FSD1: variants seen among roughly 807,000 people sequenced by gnomAD.
FSD1 encodes fibronectin type III and SPRY domain containing 1.
A neutral mutation model predicts 58.2 loss-of-function variants in FSD1; 23 were observed. That is an observed-to-expected ratio of 0.40 (90% CI 0.28 to 0.56). The LOEUF (loss-of-function observed/expected upper bound fraction) is 0.56. Among genes scored for constraint, FSD1 ranks in the 20% least tolerant of loss-of-function variants. The probability of loss-of-function intolerance (pLI) is 0.54; values close to 1 mark genes in which losing one functional copy is unlikely to be tolerated. For missense variants in FSD1, 563 were observed against 670.8 expected, an observed-to-expected ratio of 0.84 and a Z score of 1.78; for synonymous variants, 265 against 263.4, an observed-to-expected ratio of 1.01 and a Z score of -0.06.
chr19:4,308,763 C>T (rs1361712473), intron 4 of FSD1, among the ~76,000 whole-genome samples: 2 of 151,960 alleles, frequency 1.3e-5, no homozygotes, highest in African/African-American at 4.8e-5. Context: ...GAGGCTGAGG[C>T]AGGAGAATGG....
At chr19:4,318,648 T>C in intron 9 of FSD1, 143 bp downstream of exon 9, 6 of 822,902 alleles carry the variant, frequency 7.3e-6, no homozygotes, top group Non-Finnish European at 9.5e-6. Flanking sequence ...GGAGAGGAGG[T>C]TTTGAGTGGA....
At chr19:4,320,944 G>A (rs1188420960) in intron 10 of FSD1, among the ~76,000 whole-genome samples, 3 of 148,042 alleles carry the variant, frequency 2.0e-5, no homozygotes, top group Non-Finnish European at 4.5e-5. Flanking sequence ...AGGAGTATCT[G>A]GAGGGGAATC....
chr19:4,323,316 G>C lies in FSD1; in HGVS notation c.1292-32G>C, dbSNP rs141304180. On this transcript the variant is annotated intron_variant, in intron 11 of 12. Transcript: ENST00000221856. This position sits in a 1 kb window ranked among gnomAD's most constrained non-coding sequence, Gnocchi z 7.7. ...GTCTGCCCCCATCCCACTTCTGACC[G>C]GTCCCACTGTCACTCTGCCCCCCGA... 836 of 1,609,504 alleles carry C rather than the reference G, an allele frequency of 5.2e-4. 2 individuals are homozygous for C. In the African/African-American group the frequency reaches 0.01, roughly 20 times the overall value.
intron 9 of FSD1, 81 bp downstream of exon 9, chr19:4,318,586 GT>G: frequency 2.2e-6 from 3 of 1,335,872 alleles, no homozygotes; most frequent in South Asian, 2.9e-5. Flanking sequence ...TGTGGTCAGA[GT>G]TGGGGTGGAG....
chr19:4,318,811 C>T (rs775561251), intron 9 of FSD1, 61 bp from the exon 10 acceptor site: 58 of 1,357,688 alleles, frequency 4.3e-5, no homozygotes, highest in East Asian at 1.1e-4. Flanking sequence ...GTAGCCTTAC[C>T]GTGGGAGAGA....
chr19:4,322,116 TG>T (rs1409768004), intron 10 of FSD1, among the ~76,000 whole-genome samples: 4 of 137,090 alleles, frequency 2.9e-5, no homozygotes, highest in East Asian at 4.4e-4. Flanking sequence ...GAGGAATATC[TG>T]GGGGGAATAG....
intron 6 of FSD1, chr19:4,311,053 G>T (rs989160502): frequency 5.5e-5 from 9 of 162,288 alleles, no homozygotes; most frequent in Non-Finnish European, 1.2e-4. Context: ...ACCCACCAGG[G>T]GGTGAGGTCC....
intron 1 of FSD1, 22 bp downstream of exon 1, chr19:4,304,783 C>T (rs1158165932): frequency 4.7e-6 from 1 of 212,546 alleles, no homozygotes; most frequent in Non-Finnish European, 7.7e-6. Flanking sequence ...TGGGGCAGGG[C>T]GGGCCCGCAG....
At chr19:4,315,377 C>T (rs1472681303) in intron 7 of FSD1, among the ~76,000 whole-genome samples, 1 of 136,256 alleles carries the variant, frequency 7.3e-6, no homozygotes, top group Admixed American at 8.1e-5. Flanking sequence ...GGTGCTATCT[C>T]GGCTCACTGC....
At position 4,307,774 on chromosome 19, in the gene FSD1, A is replaced by G; in HGVS notation, c.244-108A>G. 3 of 724,086 alleles carry G rather than the reference A, an allele frequency of 4.1e-6. 1 individual carries two copies. The Middle Eastern group carries it at 1.1e-3, about 260-fold the overall frequency. 44.9% of individuals were successfully genotyped at this position (724,086 alleles called of 1,614,324 possible). On this transcript the variant is annotated intron_variant, in intron 3 of 12. Transcript: ENST00000221856. ...GCTCCAATCTCCATCTCTCACCTGG[A>G]GTTCGAGAAGGGCATGGTACCCTGG...
intron 7 of FSD1, among the ~76,000 whole-genome samples, chr19:4,315,607 C>CTTTTT (rs1302777132): frequency 9.6e-5 from 9 of 93,778 alleles, no homozygotes; most frequent in Admixed American, 3.5e-4. Flanking sequence ...CGTGCCTGGC[C>CTTTTT]TTTTTTTTTT....
intron 4 of FSD1, among the ~76,000 whole-genome samples, chr19:4,309,257 GA>G (rs201237226): frequency 7.3e-5 from 11 of 149,816 alleles, no homozygotes; most frequent in African/African-American, 1.7e-4. Flanking sequence ...CAAAAAAAAA[GA>G]AAAAAAAAGT....
intron 4 of FSD1, among the ~76,000 whole-genome samples, chr19:4,308,661 T>C (rs367558759): frequency 1.3e-5 from 2 of 151,900 alleles, no homozygotes; most frequent in African/African-American, 4.8e-5. Context: ...ATCAAGACCA[T>C]CCTAACACAG....
Position 4,318,879 on chromosome 19 carries a change from C to T in FSD1, c.967C>T (p.Pro323Ser). ...ACTCCCTGCCCACCACAGAGGTACT[C>T]CATCTCCCAAGAGGATGCCCTCAGG... Reference protein sequence around the residue: ...SPINSPARGTPSPKRMPSGRG... With the variant: ...SPINSPARGTSSPKRMPSGRG... Residue 323 changes from proline to serine, a missense_variant, in exon 10 of 13, where the codon CCA (proline) becomes TCA (serine). By Grantham distance (74) the Pro-to-Ser change is moderately conservative (BLOSUM62 -1). Transcript: ENST00000221856. 1 of 1,613,594 alleles carries T rather than the reference C, an allele frequency of 6.2e-7. No individual in the cohort carries two copies. Among genetic ancestry groups the T allele is most frequent in the Non-Finnish European group, 8.5e-7 (1 of 1,179,792 alleles).
In FSD1 at chr19:4,310,598, TGA is replaced by T. The variant is rs1167515904; in HGVS notation, c.490+6_490+7del. The T allele has an allele frequency of 3.1e-6, 5 of 1,612,316 alleles. No individual in the cohort carries two copies. The highest frequency in any genetic ancestry group is 4.2e-6 in the Non-Finnish European group (5 of 1,179,752). ...TACAGGCACTCAAGTTCCTGCCTGG[TGA>T]GAGGGGCACGCACTAGAGGGCCAGG... is the stretch of plus-strand genomic sequence containing the variant. On this transcript the variant is annotated splice_donor_region_variant and intron_variant, in intron 6 of 12. Transcript: ENST00000221856.
At chr19:4,305,450 T>C (rs1031549122) in intron 1 of FSD1, among the ~76,000 whole-genome samples, 3 of 151,468 alleles carry the variant, frequency 2.0e-5, no homozygotes, top group African/African-American at 7.3e-5. Context: ...GACATCCTTC[T>C]CCTCTGGGGT....
intron 10 of FSD1, among the ~76,000 whole-genome samples, chr19:4,322,017 G>A (rs1217772604): frequency 3.4e-5 from 5 of 145,528 alleles, no homozygotes; most frequent in Admixed American, 2.1e-4. Context: ...ACCCCAAGGA[G>A]TATCTGGGAG....
At chr19:4,322,847 A>G in intron 10 of FSD1, 139 bp from the exon 11 acceptor site, 1 of 1,063,454 alleles carries the variant, frequency 9.4e-7, no homozygotes, top group Non-Finnish European at 1.3e-6. Context: ...TGGGGGGTAC[A>G]GCTAGGAACC....
intron 10 of FSD1, among the ~76,000 whole-genome samples, chr19:4,320,469 A>C (rs1356982397): frequency 6.6e-6 from 1 of 152,064 alleles, no homozygotes; most frequent in Admixed American, 6.6e-5. Context: ...TTCTGGGAAG[A>C]ACTGAGGGGT....
Sources: gnomAD v4.1 joint callset for allele counts (sites outside exome capture counted in the v4.1 genomes callset) on GRCh38, gnomAD v4.1.1 for gene constraint, Gnocchi (gnomAD v3.1) non-coding constraint, MANE v1.5 for transcripts, NCBI Gene and HGNC (gene_info 2026-07-23, HGNC 2026-07-21) for gene names.